TNFAIP8L2: variants seen among roughly 807,000 people sequenced by gnomAD.
TNFAIP8L2 encodes tumor necrosis factor alpha-induced protein 8-like protein 2.
Under a neutral mutation model 5.6 loss-of-function variants are expected in TNFAIP8L2, and 2 were observed. That is an observed-to-expected ratio of 0.36 (90% CI 0.15 to 1.13). The LOEUF (loss-of-function observed/expected upper bound fraction) is 1.13. Ranked by LOEUF, TNFAIP8L2 falls within the 50% of genes most tolerant of loss-of-function variation. TNFAIP8L2 has a pLI of 0.40. For missense variants in TNFAIP8L2, 216 were observed against 241.8 expected, an observed-to-expected ratio of 0.89 and a Z score of 0.71; for synonymous variants, 91 against 101.1, an observed-to-expected ratio of 0.90 and a Z score of 0.60.
rs148384804 is a variant in TNFAIP8L2 at position 151,159,086 on chromosome 1, T to C, written c.389T>C (p.Leu130Ser). 7.4e-6 allele frequency: 12 copies of C among 1,614,074 alleles called. No homozygotes were observed. The highest frequency in any genetic ancestry group is 2.7e-5 in the African/African-American group (2 of 74,956). ...LTECRDVLLE[L>S]VEHHLTPKSH... is the part of the protein sequence containing the mutation. ...GAGTGCCGGGATGTGCTGCTAGAGT[T>C]GGTGGAACACCACCTCACGCCCAAG... Residue 130 changes from leucine (L) to serine (S), a missense_variant, in exon 2 of 2, where the codon TTG becomes TCG. Coordinates refer to ENST00000368910, the MANE Select transcript of TNFAIP8L2 (RefSeq NM_024575.5).
At chr1:151,157,691 C>T (rs146834469) in intron 1 of TNFAIP8L2, among the ~76,000 whole-genome samples, 9 of 152,308 alleles carry the variant, frequency 5.9e-5, no homozygotes, top group African/African-American at 2.2e-4. Flanking sequence ...TATTTCTCTT[C>T]GCTTCAGTTT....
In TNFAIP8L2 at chr1:151,159,072, T is replaced by A. The variant is rs1683339476; in HGVS notation, c.375T>A (p.Asp125Glu). 1 of 1,614,074 alleles carries A rather than the reference T, an allele frequency of 6.2e-7. No homozygotes were observed. Among genetic ancestry groups the A allele is most frequent in the African/African-American group, 1.3e-5 (1 of 74,958 alleles). Reference protein sequence around the residue: ...VLAGLLTECRDVLLELVEHHL... With the variant: ...VLAGLLTECREVLLELVEHHL... ...CTGGCCTGCTGACCGAGTGCCGGGA[T>A]GTGCTGCTAGAGTTGGTGGAACACC... The change falls in exon 2 of 2, where the codon GAT becomes GAA. Residue 125 changes from aspartate to glutamate, a missense_variant. Coordinates refer to ENST00000368910, the MANE Select transcript of TNFAIP8L2 (RefSeq NM_024575.5).
At chr1:151,158,246 C>G (rs1170763234) in intron 1 of TNFAIP8L2, among the ~76,000 whole-genome samples, 1 of 151,762 alleles carries the variant, frequency 6.6e-6, no homozygotes, top group Non-Finnish European at 1.5e-5. Context: ...TAGCTTGAAC[C>G]CGGGAGGTGG....
intron 1 of TNFAIP8L2, among the ~76,000 whole-genome samples, chr1:151,157,654 T>A (rs587769346): frequency 5.3e-5 from 8 of 152,320 alleles, no homozygotes; most frequent in African/African-American, 9.6e-5. Flanking sequence ...TCTTTATAAT[T>A]TACTAGTGAC....
chr1:151,157,992 C>T (rs190261156), intron 1 of TNFAIP8L2, among the ~76,000 whole-genome samples: 2 of 152,288 alleles, frequency 1.3e-5, no homozygotes, highest in African/African-American at 4.8e-5. Context: ...GCCACACAGA[C>T]ATATGGCACA....
chr1:151,157,992 C>A lies in TNFAIP8L2; in HGVS notation c.-32-674C>A, dbSNP rs190261156. Reference sequence around the variant, plus strand: ...GATGGTAATATCTATGCCACACAGACATATGGCACAGAGTCAGTGTCCAAA... The same window carrying A: ...GATGGTAATATCTATGCCACACAGAAATATGGCACAGAGTCAGTGTCCAAA... On this transcript the variant is annotated intron_variant, in intron 1 of 1. Coordinates refer to ENST00000368910, the MANE Select transcript of TNFAIP8L2 (RefSeq NM_024575.5). Among the ~76,000 whole-genome samples, 753 of 152,286 alleles carry A rather than the reference C, an allele frequency of 4.9e-3. 6 individuals carry two copies. Among genetic ancestry groups the A allele is most frequent in the Non-Finnish European group, 8.7e-3 (590 of 68,022 alleles).
At position 151,158,815 on chromosome 1, in the gene TNFAIP8L2, G is replaced by C; in HGVS notation, c.118G>C (p.Asp40His). Residue 40 changes from aspartate to histidine, a missense_variant, in exon 2 of 2, where the codon GAT becomes CAT. By Grantham distance (81) the Asp-to-His change is moderately conservative (BLOSUM62 -1). Transcript: ENST00000368910. ...FIDETSSEVL[D>H]ELYRVSKEYT... is the part of the protein sequence containing the mutation. ...AGATGAGACAAGCAGTGAGGTGCTA[G>C]ATGAGCTCTACCGTGTGTCCAAGGA... 1 of 1,614,172 alleles carries C rather than the reference G, an allele frequency of 6.2e-7. No individual in the cohort carries two copies. Among genetic ancestry groups the C allele is most frequent in the Non-Finnish European group, 8.5e-7 (1 of 1,180,028 alleles).
In TNFAIP8L2 at chr1:151,158,822, T is replaced by A; in HGVS notation, c.125T>A (p.Leu42His). 1 of 1,614,058 alleles carries A rather than the reference T, an allele frequency of 6.2e-7. No individual in the cohort carries two copies. The highest frequency in any genetic ancestry group is 8.5e-7 in the Non-Finnish European group (1 of 1,180,006). ...DETSSEVLDE[L>H]YRVSKEYTHS... Reference sequence around the variant, plus strand: ...ACAAGCAGTGAGGTGCTAGATGAGCTCTACCGTGTGTCCAAGGAGTACACG... The same window carrying A: ...ACAAGCAGTGAGGTGCTAGATGAGCACTACCGTGTGTCCAAGGAGTACACG... Residue 42 changes from leucine to histidine, a missense_variant, in exon 2 of 2, where the codon CTC (leucine) becomes CAC (histidine). By Grantham distance (99) the Leu-to-His change is moderately conservative (BLOSUM62 -3). Coordinates refer to ENST00000368910, the MANE Select transcript of TNFAIP8L2 (RefSeq NM_024575.5).
chr1:151,158,647 C>A lies in TNFAIP8L2; in HGVS notation c.-32-19C>A. 1.4e-6 allele frequency: 2 copies of A among 1,434,758 alleles called. No homozygotes were observed. The highest frequency in any genetic ancestry group is 1.9e-6 in the Non-Finnish European group (2 of 1,058,304). The allele number at this position is 1,434,758 out of a possible 1,614,324, so 88.9% of individuals were successfully genotyped here. A position where few individuals can be genotyped will look rare whatever the true frequency, so the allele number is the denominator to read the frequency against. On this transcript the variant is annotated intron_variant, in intron 1 of 1. Coordinates refer to ENST00000368910, the MANE Select transcript of TNFAIP8L2 (RefSeq NM_024575.5). ...AGCCATTTCTCTCTTTCTAAGGAAG[C>A]CTGTGGCCTTTCTTCTAGTGACTGA... is the stretch of plus-strand genomic sequence containing the variant.
At chr1:151,158,634 C>A in intron 1 of TNFAIP8L2, 32 bp from the exon 2 acceptor site, 2 of 1,390,758 alleles carry the variant, frequency 1.4e-6, no homozygotes, top group East Asian at 2.3e-5. Flanking sequence ...CCATTTCTCT[C>A]TTTCTAAGGA....
chr1:151,158,855 G>A lies in TNFAIP8L2; in HGVS notation c.158G>A (p.Arg53Gln), dbSNP rs139852088. 7.3e-5 allele frequency: 118 copies of A among 1,614,062 alleles called. 1 individual carries two copies. The highest frequency in any genetic ancestry group is 4.9e-4 in the Middle Eastern group (3 of 6,084). ...YRVSKEYTHS[R>Q]PQAQRVIKDL... The stretch of plus-strand genomic sequence containing the variant: ...GTGTCCAAGGAGTACACGCACAGCC[G>A]GCCCCAGGCCCAGCGCGTGATCAAG... The change falls in exon 2 of 2, where the codon CGG becomes CAG. Residue 53 changes from arginine to glutamine, a missense_variant. Physicochemically the swap from Arg to Gln is conservative, Grantham distance 43. Coordinates refer to ENST00000368910, the MANE Select transcript of TNFAIP8L2 (RefSeq NM_024575.5).
chr1:151,158,926 G>A lies in TNFAIP8L2; in HGVS notation c.229G>A (p.Gly77Ser). 6.2e-7 allele frequency: 1 copy of A among 1,614,258 alleles called. No homozygotes were observed. The highest frequency in any genetic ancestry group is 8.5e-7 in the Non-Finnish European group (1 of 1,180,044). ...CAAGGTGGCTGTGCTGCACCGCAAT[G>A]GCTCCTTTGGCCCCAGTGAGCTGGC... ...AIKVAVLHRN[G>S]SFGPSELALA... is the part of the protein sequence containing the mutation. The change falls in exon 2 of 2, where the codon GGC becomes AGC. Residue 77 changes from glycine (G) to serine (S), a missense_variant. Coordinates refer to ENST00000368910, the MANE Select transcript of TNFAIP8L2 (RefSeq NM_024575.5).
At position 151,158,681 on chromosome 1, in the gene TNFAIP8L2, C is replaced by T; in HGVS notation, c.-17C>T. 6.4e-7 allele frequency: 1 copy of T among 1,557,722 alleles called. No individual in the cohort carries two copies. Among genetic ancestry groups the T allele is most frequent in the South Asian group, 1.2e-5 (1 of 84,750 alleles). ...TTTCTTCTAGTGACTGACCACATAC[C>T]CCACTCTCCAGGACCCATGGAGTCC... On this transcript the variant is annotated 5_prime_UTR_variant, in exon 2 of 2. Transcript: ENST00000368910.
At chr1:151,157,290 C>A (rs140166250) in intron 1 of TNFAIP8L2, among the ~76,000 whole-genome samples, 46 of 152,288 alleles carry the variant, frequency 3.0e-4, no homozygotes, top group Admixed American at 7.2e-4. Context: ...GGGAAAAAAA[C>A]CCCCACAGTC....
intron 1 of TNFAIP8L2, among the ~76,000 whole-genome samples, chr1:151,156,957 G>A (rs1013716197): frequency 6.6e-6 from 1 of 152,188 alleles, no homozygotes; most frequent in African/African-American, 2.4e-5. Context: ...CCATATGGAT[G>A]TGTGCGAAAT....
chr1:151,159,174 C>T lies in TNFAIP8L2; in HGVS notation c.477C>T (p.Leu159=), dbSNP rs78085800. The T allele has an allele frequency of 1.3e-3, 2,053 of 1,614,182 alleles. 11 individuals are homozygous for T. Among genetic ancestry groups the T allele is most frequent in the East Asian group, 9.8e-3 (440 of 44,890 alleles). ...HFSDPGLLTA[L]YGPDFTQHLG... is the part of the protein sequence containing the mutation. ...CTGACCCAGGTCTGCTCACGGCCCT[C>T]TATGGGCCTGACTTCACTCAGCACC... Residue 159 remains leucine, a synonymous_variant, in exon 2 of 2, where the codon CTC becomes CTT. Transcript: ENST00000368910.
Position 151,159,313 on chromosome 1 carries a change from T to C in TNFAIP8L2, c.*61T>C. 2 of 1,512,548 alleles carry C rather than the reference T, an allele frequency of 1.3e-6. No individual in the cohort carries two copies. Among genetic ancestry groups the C allele is most frequent in the Non-Finnish European group, 1.8e-6 (2 of 1,112,994 alleles). The allele number at this position is 1,512,548 out of a possible 1,614,324, so 93.7% of individuals were successfully genotyped here. ...TGGTTGACTGAGAAAACACAGATAA[T>C]GGGCTTCCTAACCCTGCTCACCTGG... is the stretch of plus-strand genomic sequence containing the variant. On this transcript the variant is annotated 3_prime_UTR_variant, in exon 2 of 2. Coordinates refer to ENST00000368910, the MANE Select transcript of TNFAIP8L2 (RefSeq NM_024575.5).
At chr1:151,157,119 G>A (rs111663864) in intron 1 of TNFAIP8L2, among the ~76,000 whole-genome samples, 5 of 152,148 alleles carry the variant, frequency 3.3e-5, no homozygotes, top group African/African-American at 7.2e-5. Flanking sequence ...AATGTGAGAC[G>A]GCAATGGGGG....
At chr1:151,158,390 T>A (rs1376414840) in intron 1 of TNFAIP8L2, among the ~76,000 whole-genome samples, 1 of 151,676 alleles carries the variant, frequency 6.6e-6, no homozygotes, top group Non-Finnish European at 1.5e-5. Context: ...AACAGCCTAC[T>A]TCCCCTTGAG....
Sources: allele counts gnomAD v4.1 joint callset (sites outside exome capture counted in the v4.1 genomes callset), GRCh38; gene constraint gnomAD v4.1.1; transcripts MANE v1.5; gene names NCBI Gene and HGNC (gene_info 2026-07-23, HGNC 2026-07-21).